Variants in RPS3 observed in about 807,000 individuals in gnomAD.
RPS3 encodes ribosomal protein S3.
In RPS3, 2 loss-of-function variants were observed where a neutral mutation model predicts 25.8. The observed-to-expected ratio is 0.08, with a 90% confidence interval of 0.03 to 0.24. RPS3 has a LOEUF of 0.24. Among genes scored for constraint, RPS3 ranks in the 10% least tolerant of loss-of-function variants. The pLI, the probability that RPS3 is intolerant of heterozygous loss-of-function variation, is 1.00. For synonymous variants in RPS3, 114 were observed against 114.2 expected (o/e 1.00, Z 0.01); for missense variants, 107 against 307.1 (o/e 0.35, Z 4.87).
chr11:75,410,589 C>T (rs1446435758), downstream of RPS3, among the ~76,000 whole-genome samples: 10 of 152,246 alleles, frequency 6.6e-5, no homozygotes, highest in African/African-American at 2.2e-4. Flanking sequence ...GACGGGGTGG[C>T]GGCCGGGCAG....
At chr11:75,416,843 A>G (rs1948403388) in intron 6 of RPS3, among the ~76,000 whole-genome samples, 2 of 152,212 alleles carry the variant, frequency 1.3e-5, no homozygotes, top group African/African-American at 4.8e-5. Context: ...ACATTGAAGT[A>G]TCATAGAGAG....
chr11:75,404,207 G>A lies in RPS3; in HGVS notation c.538G>A (p.Gly180Ser). Residue 180 changes from glycine (G) to serine (S), a missense_variant and splice_region_variant, in exon 5 of 7, where the codon GGT (glycine) becomes AGT (serine). Physicochemically the swap from Gly to Ser is moderately conservative, Grantham distance 56. Around this residue, in one of 2 missense-constraint regions of RPS3, gnomAD observed 81 missense variants for 286.8 expected, o/e 0.28. Coordinates refer to ENST00000531188, the MANE Select transcript of RPS3 (RefSeq NM_001005.5). The surrounding 1 kb of genome is among the most constrained non-coding windows in gnomAD (Gnocchi z 4.6). ...TGTGCGCCACGTGTTGCTCAGACAG[G>A]GTGAGCAGCTGAGAGTGCTTGGCAA... ...TAVRHVLLRQ[G>S]VLGIKVKIML... 1 of 1,612,346 alleles carries A rather than the reference G, an allele frequency of 6.2e-7. No homozygotes were observed.
Position 75,404,325 on chromosome 11 carries a change from G to A in RPS3, c.538+118G>A, listed in dbSNP as rs1206294140. Reference sequence around the variant, plus strand: ...GTAGCTGGGCATGTTCATATTCCTTGGTGTATCGATTGCCACGTTGATCTG... The same window carrying A: ...GTAGCTGGGCATGTTCATATTCCTTAGTGTATCGATTGCCACGTTGATCTG... On this transcript the variant is annotated intron_variant, in intron 5 of 6. Coordinates refer to ENST00000531188, the MANE Select transcript of RPS3 (RefSeq NM_001005.5). This position sits in a 1 kb window ranked among gnomAD's most constrained non-coding sequence, Gnocchi z 4.6. 1 of 963,044 alleles carries A rather than the reference G, an allele frequency of 1.0e-6. No individual in the cohort carries two copies. Among genetic ancestry groups the A allele is most frequent in the Non-Finnish European group, 1.6e-6 (1 of 608,622 alleles). The allele number at this position is 963,044 out of a possible 1,614,324, so 59.7% of individuals were successfully genotyped here. A position where few individuals can be genotyped will look rare whatever the true frequency, so the allele number is the denominator to read the frequency against.
chr11:75,416,458 C>CTTTTTTTTTTTTTTTT (rs72030839), intron 6 of RPS3, among the ~76,000 whole-genome samples: 1 of 125,976 alleles, frequency 7.9e-6, no homozygotes, highest in Non-Finnish European at 1.6e-5. Context: ...TTGATTATTT[C>CTTTTTTTTTTTTTTTT]TATTTTTTTT....
downstream of RPS3, among the ~76,000 whole-genome samples, chr11:75,410,200 TG>T (rs1948336928): frequency 6.6e-6 from 1 of 150,768 alleles, no homozygotes; most frequent in African/African-American, 2.4e-5. Context: ...ACGGGGCGAC[TG>T]GCCGGGCGGA....
chr11:75,418,762 A>C (rs1948421401), intron 6 of RPS3, among the ~76,000 whole-genome samples: 1 of 152,204 alleles, frequency 6.6e-6, no homozygotes, highest in African/African-American at 2.4e-5. Context: ...AATTCAAATG[A>C]AGCCATGCCT....
chr11:75,406,948 T>C (rs1224815241), downstream of RPS3: 1 of 152,202 alleles, frequency 6.6e-6, no homozygotes, highest in East Asian at 1.9e-4. Context: ...ATAAATACTC[T>C]ACCATTTTGT....
downstream of RPS3, among the ~76,000 whole-genome samples, chr11:75,410,742 G>A (rs1384267442): frequency 2.6e-5 from 4 of 152,226 alleles, no homozygotes; most frequent in Non-Finnish European, 4.4e-5. Context: ...CCGGCACCTC[G>A]GGAGGCCGAG....
downstream of RPS3, among the ~76,000 whole-genome samples, chr11:75,409,392 C>G (rs10899088): frequency 1.5e-5 from 2 of 133,586 alleles, no homozygotes; most frequent in Admixed American, 7.9e-5. Context: ...TGCCTCTTAA[C>G]GAGCATGCTG....
intron 6 of RPS3, among the ~76,000 whole-genome samples, chr11:75,418,013 T>C (rs1448434947): frequency 6.6e-6 from 1 of 152,134 alleles, no homozygotes; most frequent in South Asian, 2.1e-4. Context: ...TGCCTCTCGG[T>C]CAGATAAGAG....
chr11:75,406,230 A>G lies in RPS3; in HGVS notation c.*620A>G, dbSNP rs1948286220. 1 of 152,266 alleles carries G rather than the reference A, an allele frequency of 6.6e-6. No homozygotes were observed. Among genetic ancestry groups the G allele is most frequent in the African/African-American group, 2.4e-5 (1 of 41,476 alleles). The allele number at this position is 152,266 out of a possible 1,614,324, so 9.4% of individuals were successfully genotyped here. A position where few individuals can be genotyped will look rare whatever the true frequency, so the allele number is the denominator to read the frequency against. ...TATTATGTTCTGGAGAACTGTGAAG[A>G]ACATTTAAATTGTCTCTGATTTTAT... On this transcript the variant is annotated 3_prime_UTR_variant, in exon 7 of 7. Transcript: ENST00000531188.
At chr11:75,413,366 C>G (rs1948373297) in intron 6 of RPS3, among the ~76,000 whole-genome samples, 1 of 152,164 alleles carries the variant, frequency 6.6e-6, no homozygotes, top group African/African-American at 2.4e-5. Flanking sequence ...ACGCCATTCT[C>G]CTGCCTCAGC....
At chr11:75,416,602 G>T (rs1053324846) in intron 6 of RPS3, among the ~76,000 whole-genome samples, 1 of 151,970 alleles carries the variant, frequency 6.6e-6, no homozygotes, top group Non-Finnish European at 1.5e-5. Flanking sequence ...GGGATTACAG[G>T]CATGCACTAG....
At chr11:75,407,403 G>T (rs1012203129), downstream of RPS3, among the ~76,000 whole-genome samples, 1 of 152,240 alleles carries the variant, frequency 6.6e-6, no homozygotes, top group African/African-American at 2.4e-5. Flanking sequence ...CTTCCAGAGT[G>T]CTGGAATTAC....
intron 6 of RPS3, among the ~76,000 whole-genome samples, chr11:75,419,594 A>T (rs2135073607): frequency 6.6e-6 from 1 of 152,136 alleles, no homozygotes; most frequent in South Asian, 2.1e-4. Flanking sequence ...AATCTAATAT[A>T]TCCATATGGT....
intron 1 of RPS3, 196 bp downstream of exon 1, chr11:75,399,773 C>A: frequency 1.7e-6 from 1 of 583,326 alleles, no homozygotes; most frequent in Non-Finnish European, 3.1e-6. Flanking sequence ...GGCCGGGTTC[C>A]AAGTGAAGCG....
chr11:75,402,159 A>T, intron 3 of RPS3, 193 bp from the exon 4 acceptor site: 2 of 742,158 alleles, frequency 2.7e-6, no homozygotes, highest in Non-Finnish European at 4.4e-6. Flanking sequence ...CCACACTACT[A>T]CTGGTAGCGC....
downstream of RPS3, among the ~76,000 whole-genome samples, chr11:75,408,746 A>G (rs150989396): frequency 0.017 from 2,661 of 152,138 alleles, 83 homozygotes; most frequent in African/African-American, 0.06. Context: ...GGGTTTCACT[A>G]TGTTGGCCAG....
downstream of RPS3, among the ~76,000 whole-genome samples, chr11:75,410,904 T>G (rs1948351986): frequency 6.6e-6 from 1 of 152,102 alleles, no homozygotes; most frequent in Admixed American, 6.5e-5. Context: ...TTTGAGACAG[T>G]CTCGCTCTGT....
Sources: gnomAD v4.1 joint callset for allele counts (sites outside exome capture counted in the v4.1 genomes callset) on GRCh38, gnomAD v4.1.1 for gene constraint, gnomAD v4.1.1 regional missense constraint, Gnocchi (gnomAD v3.1) non-coding constraint, MANE v1.5 for transcripts, NCBI Gene and HGNC (gene_info 2026-07-23, HGNC 2026-07-21) for gene names.